Variants in ZC3H12B observed in about 807,000 individuals in gnomAD.
ZC3H12B encodes the protein probable ribonuclease ZC3H12B.
Under a neutral mutation model 43.9 loss-of-function variants are expected in ZC3H12B, and 7 were observed. The ratio of observed to expected loss-of-function variants is 0.16; its 90% CI spans 0.09 to 0.30. ZC3H12B has a LOEUF of 0.30. Among genes scored for constraint, ZC3H12B ranks in the 10% least tolerant of loss-of-function variants. ZC3H12B has a pLI of 1.00. For missense variants in ZC3H12B, 475 were observed against 670.2 expected (o/e 0.71, Z 3.22); for synonymous variants, 222 against 241.7 (o/e 0.92, Z 0.76).
At chrX:65,248,708 G>C in the ZC3H12B span, among the ~76,000 whole-genome samples, 1 of 111,840 alleles carries the variant, frequency 8.9e-6, no homozygotes, top group African/African-American at 3.3e-5. Flanking sequence ...CAGTGTAGAA[G>C]TGTTCCCTGT....
the ZC3H12B span, among the ~76,000 whole-genome samples, chrX:65,279,934 A>G: frequency 8.9e-6 from 1 of 112,363 alleles, no homozygotes; most frequent in Non-Finnish European, 1.9e-5. Flanking sequence ...CACTTCTAAA[A>G]AGAAATCGTA....
rs1435057509 is a variant in ZC3H12B, at chrX:65,408,493, C to T, written n.407+9789C>T. 5.8e-6 allele frequency: 7 copies of T among 1,208,784 alleles called. No homozygotes were observed. In the South Asian group the frequency reaches 8.8e-5, roughly 15 times the overall value. On this transcript the variant is annotated intron_variant and non_coding_transcript_variant, in intron 3 of 5. Coordinates refer to the ZC3H12B transcript ENST00000617377. ...AAGCTCAGCATCTTTCTTATGGCCA[C>T]GGACCCCCAGTTCCCCTTACGCCTC...
the ZC3H12B span, among the ~76,000 whole-genome samples, chrX:65,111,140 G>A: frequency 2.7e-5 from 3 of 110,649 alleles, 1 homozygote; most frequent in South Asian, 1.1e-3. Flanking sequence ...GGGCGCCTTG[G>A]GATTTTCTAC....
intron 3 of ZC3H12B, among the ~76,000 whole-genome samples, chrX:65,483,085 CT>C (rs988168874): frequency 1.3e-4 from 14 of 111,905 alleles, no homozygotes; most frequent in Admixed American, 1.1e-3. Context: ...ACAGTTTTTA[CT>C]GTGACATGTA....
chrX:65,428,629 T>C (rs907685306), intron 3 of ZC3H12B, among the ~76,000 whole-genome samples: 2 of 112,696 alleles, frequency 1.8e-5, no homozygotes, highest in South Asian at 7.3e-4. Flanking sequence ...CTCTCTAACC[T>C]GGCTATTTTA....
chrX:65,477,564 C>A (rs1192080674), intron 3 of ZC3H12B, among the ~76,000 whole-genome samples: 1 of 111,182 alleles, frequency 9.0e-6, no homozygotes, highest in African/African-American at 3.3e-5. Flanking sequence ...TTTGGGAGGC[C>A]AAGGTGGGTG....
At chrX:65,430,893 G>A (rs972970161) in intron 3 of ZC3H12B, among the ~76,000 whole-genome samples, 1 of 111,027 alleles carries the variant, frequency 9.0e-6, no homozygotes, top group African/African-American at 3.3e-5. Context: ...TGAGTTGTTT[G>A]CCTAATCAGT....
the ZC3H12B span, among the ~76,000 whole-genome samples, chrX:65,162,481 T>C: frequency 9.0e-6 from 1 of 111,691 alleles, no homozygotes. Context: ...TATTCTTTTT[T>C]CTCTAAACTT....
chrX:65,276,581 G>T, the ZC3H12B span, among the ~76,000 whole-genome samples: 82 of 111,343 alleles, frequency 7.4e-4, no homozygotes, highest in Non-Finnish European at 1.3e-3. Flanking sequence ...ATAAGCCAAG[G>T]ATTTTATTTC....
chrX:65,191,836 C>T, the ZC3H12B span, among the ~76,000 whole-genome samples: 2 of 105,377 alleles, frequency 1.9e-5, no homozygotes, highest in South Asian at 8.7e-4. Context: ...TTCTTGCCTT[C>T]TGCTAGCTTT....
the ZC3H12B span, among the ~76,000 whole-genome samples, chrX:65,206,982 C>A: frequency 2.0e-5 from 2 of 102,055 alleles, no homozygotes; most frequent in African/African-American, 8.3e-5. Flanking sequence ...GCAAGAATGG[C>A]CATAATCAAA....
At chrX:65,323,380 T>TC in the ZC3H12B span, among the ~76,000 whole-genome samples, 70 of 112,039 alleles carry the variant, frequency 6.2e-4, no homozygotes, top group Middle Eastern at 4.6e-3. Flanking sequence ...TGTGTGATGT[T>TC]CCCCTCCCTG....
the ZC3H12B span, chrX:65,328,198 C>T: frequency 2.3e-4 from 53 of 232,190 alleles, no homozygotes; most frequent in Non-Finnish European, 4.6e-4. Flanking sequence ...ACACTTGGAA[C>T]ATGGCTGCAT....
chrX:65,430,419 G>C (rs778736710), intron 3 of ZC3H12B, among the ~76,000 whole-genome samples: 2 of 106,271 alleles, frequency 1.9e-5, no homozygotes, highest in Non-Finnish European at 3.9e-5. Context: ...ATGTATACAT[G>C]TGTCATGTTG....
At chrX:65,445,804 C>T (rs1483530813) in intron 3 of ZC3H12B, among the ~76,000 whole-genome samples, 47 of 112,259 alleles carry the variant, frequency 4.2e-4, no homozygotes, top group Admixed American at 3.3e-3. Context: ...GGCTAGGAGT[C>T]GGGAATTTTA....
At chrX:65,227,178 G>T in the ZC3H12B span, among the ~76,000 whole-genome samples, 2 of 111,375 alleles carry the variant, frequency 1.8e-5, no homozygotes, top group Admixed American at 9.5e-5. Context: ...TTATAACAAA[G>T]TGTCTCTCAG....
At chrX:65,129,419 G>T in the ZC3H12B span, among the ~76,000 whole-genome samples, 2 of 109,586 alleles carry the variant, frequency 1.8e-5, no homozygotes, top group African/African-American at 6.6e-5. Flanking sequence ...AGGGAGTTAG[G>T]GGTGGGGCAG....
At chrX:65,381,868 T>A (rs772072485) in intron 2 of ZC3H12B, among the ~76,000 whole-genome samples, 2,097 of 111,543 alleles carry the variant, frequency 0.019, 61 homozygotes, top group African/African-American at 0.065. Context: ...AATGGATAAA[T>A]TCCTCGACAC....
chrX:65,218,485 G>A, the ZC3H12B span, among the ~76,000 whole-genome samples: 1 of 111,807 alleles, frequency 8.9e-6, no homozygotes, highest in South Asian at 3.7e-4. Context: ...TAGGGTGGGA[G>A]TGAGACAGGA....
Sources: allele counts gnomAD v4.1 joint callset (sites outside exome capture counted in the v4.1 genomes callset), GRCh38; gene constraint gnomAD v4.1.1; transcripts MANE v1.5; gene names NCBI Gene and HGNC (gene_info 2026-07-23, HGNC 2026-07-21).